Variants in COL4A1 observed in about 807,000 individuals in gnomAD.
The protein encoded by COL4A1 is collagen type IV alpha 1 chain.
A neutral mutation model predicts 216.6 loss-of-function variants in COL4A1; 40 were observed. That is an observed-to-expected ratio of 0.18 (90% CI 0.14 to 0.24). The LOEUF (loss-of-function observed/expected upper bound fraction) is 0.24, where lower values mean the gene tolerates loss of function less well. Among genes scored for constraint, COL4A1 ranks in the 10% least tolerant of loss-of-function variants. COL4A1 has a pLI of 1.00. For missense variants in COL4A1, 1,628 were observed against 2,196.8 expected (o/e 0.74, Z 5.18); for synonymous variants, 839 against 810.7 (o/e 1.03, Z -0.59).
rs772306069 is a variant in COL4A1, at chr13:110,306,935, G to T, written c.84+9C>A. ...GGGACGCCGGGAGCGGAGCTGGCCG[G>T]GAACTCACCTTCGCAGCGGCCCGGC... is the stretch of plus-strand genomic sequence containing the variant. On this transcript the variant is annotated intron_variant, in intron 1 of 51. Coordinates refer to ENST00000375820, the MANE Select transcript of COL4A1 (RefSeq NM_001845.6). 7 of 1,468,794 alleles carry T rather than the reference G, an allele frequency of 4.8e-6. No homozygotes were observed. The highest frequency in any genetic ancestry group is 5.4e-6 in the Non-Finnish European group (6 of 1,114,546). 91.0% of individuals were successfully genotyped at this position (1,468,794 alleles called of 1,614,324 possible).
At chr13:110,170,867 C>G in intron 41 of COL4A1, 135 bp from the exon 42 acceptor site, 1 of 854,918 alleles carries the variant, frequency 1.2e-6, no homozygotes, top group Non-Finnish European at 1.9e-6. Context: ...AGGGACACCA[C>G]AGGAAACTGC....
At chr13:110,219,660 A>ATATATATATG (rs1566384642) in intron 2 of COL4A1, among the ~76,000 whole-genome samples, 3 of 119,290 alleles carry the variant, frequency 2.5e-5, no homozygotes, top group Non-Finnish European at 3.6e-5. Flanking sequence ...ATATATATAT[A>ATATATATATG]TGTATATATA....
intron 2 of COL4A1, among the ~76,000 whole-genome samples, chr13:110,231,663 G>A (rs1015485020): frequency 5.5e-4 from 83 of 152,158 alleles, no homozygotes; most frequent in African/African-American, 1.7e-3. Context: ...CCAGGCCCAC[G>A]GGTACAGCAG....
At chr13:110,192,741 C>A (rs1347484603) in intron 23 of COL4A1, 89 bp downstream of exon 23, 20 of 1,127,282 alleles carry the variant, frequency 1.8e-5, no homozygotes, top group Non-Finnish European at 2.4e-5. Flanking sequence ...GAAAATCAGG[C>A]CTTCTATGGA....
At chr13:110,302,221 G>A (rs1280313641) in intron 1 of COL4A1, among the ~76,000 whole-genome samples, 3 of 152,220 alleles carry the variant, frequency 2.0e-5, no homozygotes, top group Non-Finnish European at 2.9e-5. Flanking sequence ...TCTGTACCCA[G>A]AAACATCAGA....
At chr13:110,255,010 T>C (rs745481771) in intron 1 of COL4A1, among the ~76,000 whole-genome samples, 3 of 152,184 alleles carry the variant, frequency 2.0e-5, no homozygotes, top group Non-Finnish European at 2.9e-5. Flanking sequence ...GGAGAGAAGC[T>C]GTGGCCCCTA....
At chr13:110,157,933 C>G (rs977341228) in intron 49 of COL4A1, among the ~76,000 whole-genome samples, 1 of 152,092 alleles carries the variant, frequency 6.6e-6, no homozygotes, top group Non-Finnish European at 1.5e-5. Context: ...GAGCTCCTGT[C>G]AAGGAGCTCT....
Position 110,164,914 on chromosome 13 carries a change from G to A in COL4A1, c.4098C>T (p.Gly1366=), listed in dbSNP as rs757948524. The A allele has an allele frequency of 1.7e-5, 27 of 1,607,588 alleles. No homozygotes were observed. In the East Asian group the frequency reaches 4.5e-4, roughly 27 times the overall value. ...CCTGAAGCCCTTTCAGCCCTGGGGG[G>A]CCCTCAGGACCAGGGAGCCCGGGCT... ...KGEPGLPGPE[G]PPGLKGLQGL... The change falls in exon 46 of 52, where the codon GGC becomes GGT. Residue 1366 remains glycine, a synonymous_variant. Transcript: ENST00000375820.
rs1491329942 is a variant in COL4A1 at position 110,268,039 on chromosome 13, ACT to A, written c.85-25307_85-25306del. Among the ~76,000 whole-genome samples the A allele has an allele frequency of 2.6e-5, 4 of 151,960 alleles. No homozygotes were observed. The highest frequency in any genetic ancestry group is 1.5e-5 in the Non-Finnish European group (1 of 67,986). On this transcript the variant is annotated intron_variant, in intron 1 of 51. Transcript: ENST00000375820. This position sits in a 1 kb window ranked among gnomAD's most constrained non-coding sequence, Gnocchi z 4.1. ...CAAAAAAAAAATACAGAAAAAAGAA[ACT>A]CTCTGGAAAGCAGTGGTCACAAAGC...
chr13:110,173,162 C>T (rs922135489), intron 40 of COL4A1, among the ~76,000 whole-genome samples: 3 of 152,042 alleles, frequency 2.0e-5, no homozygotes, highest in Non-Finnish European at 2.9e-5. Context: ...GGGGAGATGA[C>T]AAACGTCAGC....
intron 2 of COL4A1, among the ~76,000 whole-genome samples, chr13:110,232,965 G>C (rs181574690): frequency 6.6e-6 from 1 of 152,154 alleles, no homozygotes; most frequent in Admixed American, 6.5e-5. Context: ...AGCTGGAAAC[G>C]AGAATGTGCA....
At chr13:110,234,341 G>A (rs962765107) in intron 2 of COL4A1, among the ~76,000 whole-genome samples, 7 of 152,194 alleles carry the variant, frequency 4.6e-5, no homozygotes, top group African/African-American at 1.7e-4. Context: ...CCAGCACTTT[G>A]GGAGGCCGAG....
chr13:110,152,511 A>G lies in COL4A1; in HGVS notation c.4756-5T>C. ...TTCTGCACCAGCGCTGGTGTGCTGC[A>G]GAACAGATGCGAGCCGTGAGTCAGA... On this transcript the variant is annotated splice_region_variant and splice_polypyrimidine_tract_variant and intron_variant, in intron 50 of 51. Transcript: ENST00000375820. The G allele has an allele frequency of 6.2e-7, 1 of 1,609,484 alleles. No individual in the cohort carries two copies. Among genetic ancestry groups the G allele is most frequent in the Non-Finnish European group, 8.5e-7 (1 of 1,179,424 alleles).
At chr13:110,289,325 G>A (rs549759527) in intron 1 of COL4A1, among the ~76,000 whole-genome samples, 4 of 152,272 alleles carry the variant, frequency 2.6e-5, no homozygotes, top group African/African-American at 7.2e-5. Flanking sequence ...CGACCAAGAG[G>A]AGACCCTTCC....
intron 43 of COL4A1, 57 bp downstream of exon 43, chr13:110,169,572 T>C: frequency 1.2e-6 from 2 of 1,608,370 alleles, no homozygotes; most frequent in Non-Finnish European, 1.7e-6. Context: ...CACATATGAA[T>C]ACTTCTGGCC....
intron 43 of COL4A1, among the ~76,000 whole-genome samples, chr13:110,168,851 G>A (rs764289202): frequency 1.4e-4 from 21 of 152,214 alleles, no homozygotes; most frequent in Non-Finnish European, 2.5e-4. Flanking sequence ...GAGACAGACA[G>A]ATGGAGACAG....
rs556045483 is a variant in COL4A1, at chr13:110,299,282, C to T, written c.84+7662G>A. Among the ~76,000 whole-genome samples the T allele has an allele frequency of 2.0e-5, 3 of 152,174 alleles. No individual in the cohort carries two copies. In the South Asian group the frequency reaches 6.2e-4, roughly 31 times the overall value. On this transcript the variant is annotated intron_variant, in intron 1 of 51. Coordinates refer to ENST00000375820, the MANE Select transcript of COL4A1 (RefSeq NM_001845.6). The stretch of plus-strand genomic sequence containing the variant: ...CTCACCTGCTAGAAATGCAGATTCT[C>T]GGCATACCCCACACCTCCAAAAACA...
chr13:110,250,172 T>G (rs1367976788), intron 1 of COL4A1, among the ~76,000 whole-genome samples: 1 of 151,632 alleles, frequency 6.6e-6, no homozygotes, highest in Non-Finnish European at 1.5e-5. Flanking sequence ...CTGCCCTAAT[T>G]TGAAAACAAC....
At position 110,257,289 on chromosome 13, in the gene COL4A1, T is replaced by C. The variant is rs569050587; in HGVS notation, c.85-14555A>G. Reference sequence around the variant, plus strand: ...AAGAGATCCTGCGGCAAACCTTCTCTGCATTTGACAAGTGGTCAGAGATCC... The same window carrying C: ...AAGAGATCCTGCGGCAAACCTTCTCCGCATTTGACAAGTGGTCAGAGATCC... On this transcript the variant is annotated intron_variant, in intron 1 of 51. Transcript: ENST00000375820. Among the ~76,000 whole-genome samples, 30 of 152,206 alleles carry C rather than the reference T, an allele frequency of 2.0e-4. 1 individual carries two copies. The highest frequency in any genetic ancestry group is 3.8e-4 in the Non-Finnish European group (26 of 68,042).
Sources: allele counts gnomAD v4.1 joint callset (sites outside exome capture counted in the v4.1 genomes callset), GRCh38; gene constraint gnomAD v4.1.1; non-coding constraint Gnocchi (gnomAD v3.1); transcripts MANE v1.5; gene names NCBI Gene and HGNC (gene_info 2026-07-23, HGNC 2026-07-21).